The following MUC3A variants were observed in gnomAD, a reference collection of about 807,000 sequenced individuals.
MUC3A encodes mucin-3A.
In MUC3A, 109 loss-of-function variants were observed where a neutral mutation model predicts 109.0. The observed-to-expected ratio is 1.00, with a 90% confidence interval of 0.86 to 1.17. MUC3A has a LOEUF of 1.17. Ranked by LOEUF, MUC3A falls within the 50% of genes most tolerant of loss-of-function variation. The pLI is 0.00. For missense variants in MUC3A, 3,537 were observed against 2,469.4 expected (o/e 1.43, Z -9.16); for synonymous variants, 1,398 against 981.4 (o/e 1.42, Z -7.93).
rs1792462227 is a variant in MUC3A, at chr7:100,964,698, T to C, written c.9237T>C (p.Asn3079=). ...TCTAAGGCTGTGGACCCCTCAGGAA[T>C]GGCAGCATCGTGGTGGACTACCTGG... ...FKGVEILSLR[N]GSIVVDYLVL... is the part of the protein sequence containing the mutation. The change falls in exon 6 of 12, where the codon AAT becomes AAC. Residue 3079 remains asparagine, a synonymous_variant. Transcript: ENST00000379458. 1 of 1,598,132 alleles carries C rather than the reference T, an allele frequency of 6.3e-7. No individual in the cohort carries two copies. The highest frequency in any genetic ancestry group is 8.5e-7 in the Non-Finnish European group (1 of 1,179,544).
In MUC3A at chr7:100,956,882, A is replaced by G; in HGVS notation, c.5103A>G (p.Thr1701=). 1 of 399,562 alleles carries G rather than the reference A, an allele frequency of 2.5e-6. No homozygotes were observed. Among genetic ancestry groups the G allele is most frequent in the Non-Finnish European group, 4.4e-6 (1 of 229,348 alleles). The allele number at this position is 399,562 out of a possible 1,614,324, so 24.8% of individuals were successfully genotyped here. ...HTTAESTPSP[T]TTMSFTTFTK... Reference sequence around the variant, plus strand: ...CAGCTGAATCCACCCCATCACCTACAACCACCATGTCATTCACAACATTTA... The same window carrying G: ...CAGCTGAATCCACCCCATCACCTACGACCACCATGTCATTCACAACATTTA... The change falls in exon 2 of 12, where the codon ACA becomes ACG. Residue 1701 remains threonine, a synonymous_variant. Transcript: ENST00000379458.
Position 100,967,127 on chromosome 7 carries a change from A to C in MUC3A, c.9937A>C (p.Ile3313Leu), listed in dbSNP as rs771618750. 1.3e-6 allele frequency: 2 copies of C among 1,598,552 alleles called. No individual in the cohort carries two copies. The highest frequency in any genetic ancestry group is 1.7e-6 in the Non-Finnish European group (2 of 1,179,824). ...CTCACTGTGACTCTGACAGGTGCAC[A>C]TCAAGAGACCCGAGATGACCTCGTC... is the stretch of plus-strand genomic sequence containing the variant. ...ENVDTTMKVHIKRPEMTSSSV is the reference protein window; with the variant it reads ...ENVDTTMKVHLKRPEMTSSSV Residue 3313 changes from isoleucine to leucine, a missense_variant, in exon 12 of 12, where the codon ATC becomes CTC. By Grantham distance (5) the Ile-to-Leu change is conservative (BLOSUM62 2). Transcript: ENST00000379458.
At chr7:100,963,606 T>G (rs1433866627) in intron 4 of MUC3A, 82 bp from the exon 5 acceptor site, 11 of 1,592,188 alleles carry the variant, frequency 6.9e-6, no homozygotes, top group Non-Finnish European at 9.4e-6. Flanking sequence ...TTGAAGGGTC[T>G]TCCCTGGAGC....
rs867466881 is a variant in MUC3A, at chr7:100,967,444, A to G, written c.*282A>G. 113 of 593,394 alleles carry G rather than the reference A, an allele frequency of 1.9e-4. No individual in the cohort carries two copies. Among genetic ancestry groups the G allele is most frequent in the Non-Finnish European group, 3.0e-4 (100 of 334,586 alleles). 36.8% of individuals were successfully genotyped at this position (593,394 alleles called of 1,614,324 possible). On this transcript the variant is annotated 3_prime_UTR_variant, in exon 12 of 12. Coordinates refer to ENST00000379458, the MANE Select transcript of MUC3A (RefSeq NM_005960.2). The stretch of plus-strand genomic sequence containing the variant: ...TGCAAAACGGGTACAGCATTCCTGT[A>G]TGATAGCTCACGCCGTTGTTGTGAA...
At position 100,959,084 on chromosome 7, in the gene MUC3A, C is replaced by T. The variant is rs1188751784; in HGVS notation, c.7305C>T (p.Thr2435=). 6 of 1,594,632 alleles carry T rather than the reference C, an allele frequency of 3.8e-6. No homozygotes were observed. The highest frequency in any genetic ancestry group is 4.2e-6 in the Non-Finnish European group (5 of 1,177,398). ...CTTCTTCAATCACCACCACTGAGAC[C>T]ACCTCAGAGAGTACTCCCAGCCTCA... The part of the protein sequence containing the change: ...GFTSSITTTE[T]TSESTPSLSS... The change falls in exon 2 of 12, where the codon ACC becomes ACT. Residue 2435 remains threonine (T), a synonymous_variant. Coordinates refer to ENST00000379458, the MANE Select transcript of MUC3A (RefSeq NM_005960.2).
intron 3 of MUC3A, 143 bp from the exon 4 acceptor site, chr7:100,963,008 C>G: frequency 1.1e-6 from 1 of 871,514 alleles, no homozygotes; most frequent in Non-Finnish European, 1.8e-6. Context: ...GGAATTCCTA[C>G]ATCTGTTCCT....
At chr7:100,963,118 A>G in intron 3 of MUC3A, 33 bp from the exon 4 acceptor site, 1 of 1,591,490 alleles carries the variant, frequency 6.3e-7, no homozygotes, top group Non-Finnish European at 8.5e-7. Flanking sequence ...AAGCAGACAG[A>G]GAAGTGACTG....
At chr7:100,962,411 C>T (rs571261447) in intron 3 of MUC3A, among the ~76,000 whole-genome samples, 1 of 152,182 alleles carries the variant, frequency 6.6e-6, no homozygotes, top group African/African-American at 2.4e-5. Context: ...GAATGAGACC[C>T]TATCTCAACA....
Position 100,960,537 on chromosome 7 carries a change from T to C in MUC3A, c.8758T>C (p.Ser2920Pro), listed in dbSNP as rs1439808335. 4 of 1,598,610 alleles carry C rather than the reference T, an allele frequency of 2.5e-6. No individual in the cohort carries two copies. The African/African-American group carries it at 5.3e-5, about 21-fold the overall frequency. Reference sequence around the variant, plus strand: ...CCCCTCCCCACCCACCACTAGGACTTCAGAGACACCAGTGGCCACTACCCA... The same window carrying C: ...CCCCTCCCCACCCACCACTAGGACTCCAGAGACACCAGTGGCCACTACCCA... ...THPSPPTTRT[S>P]ETPVATTQTP... Residue 2920 changes from serine (S) to proline (P), a missense_variant, in exon 2 of 12, where the codon TCA (serine) becomes CCA (proline). Transcript: ENST00000379458.
At position 100,964,501 on chromosome 7, in the gene MUC3A, C is replaced by T. The variant is rs1792454782; in HGVS notation, c.9234-194C>T. On this transcript the variant is annotated intron_variant, in intron 5 of 11. Transcript: ENST00000379458. ...AGGAAGTCAATCATGTCAGTCATTCCTTGTCCTGCCTTCCCAGGCAGACCA... is the reference window on the plus strand; with the variant it reads ...AGGAAGTCAATCATGTCAGTCATTCTTTGTCCTGCCTTCCCAGGCAGACCA... The T allele has an allele frequency of 5.8e-6, 5 of 862,014 alleles. No individual in the cohort carries two copies. In the Admixed American group the frequency reaches 1.3e-4, roughly 22 times the overall value. The allele number at this position is 862,014 out of a possible 1,614,324, so 53.4% of individuals were successfully genotyped here.
At position 100,951,983 on chromosome 7, in the gene MUC3A, T is replaced by C. The variant is rs761572441; in HGVS notation, c.204T>C (p.Pro68=). 2.4e-5 allele frequency: 38 copies of C among 1,598,672 alleles called. No individual in the cohort carries two copies. Among genetic ancestry groups the C allele is most frequent in the Non-Finnish European group, 3.1e-5 (37 of 1,179,816 alleles). ...TCCCCCAGCTCGCCTCTCCTGCTCC[T>C]GGCCACAGGGAAAATGCACCTATGA... ...LGVPQLASPA[P]GHRENAPMTL... Residue 68 remains proline, a synonymous_variant, in exon 2 of 12, where the codon CCT becomes CCC. Coordinates refer to ENST00000379458, the MANE Select transcript of MUC3A (RefSeq NM_005960.2).
In MUC3A at chr7:100,965,282, C is replaced by T; in HGVS notation, c.9383C>T (p.Thr3128Ile). ...QDVNSCQDSQTLCFKPDSIKV... is the reference protein window; with the variant it reads ...QDVNSCQDSQILCFKPDSIKV... ...TCCATCTGTGCCTGTGTTTCCGCAG[C>T]CCTGTGTTTTAAGCCTGACTCCATC... The change falls in exon 7 of 12, where the codon ACC becomes ATC. Residue 3128 changes from threonine (T) to isoleucine (I), a missense_variant and splice_region_variant. Thr to Ile is a moderately conservative substitution (Grantham distance 89). Transcript: ENST00000379458. The T allele has an allele frequency of 6.3e-7, 1 of 1,599,056 alleles. No individual in the cohort carries two copies. The highest frequency in any genetic ancestry group is 8.5e-7 in the Non-Finnish European group (1 of 1,179,664).
chr7:100,966,768 A>G, intron 10 of MUC3A, 25 bp downstream of exon 10: 2 of 1,598,540 alleles, frequency 1.3e-6, no homozygotes, highest in Non-Finnish European at 1.7e-6. Context: ...CTGGGGAAGC[A>G]GGCAGAGGCT....
At position 100,958,208 on chromosome 7, in the gene MUC3A, C is replaced by T; in HGVS notation, c.6429C>T (p.Asn2143=). The change falls in exon 2 of 12, where the codon AAC becomes AAT. Residue 2143 remains asparagine (N), a synonymous_variant. Coordinates refer to ENST00000379458, the MANE Select transcript of MUC3A (RefSeq NM_005960.2). ...TTENATHSTP[N]FTSSITTTET... Reference sequence around the variant, plus strand: ...AGAACGCCACACACAGTACTCCCAACTTCACTTCTTCAATCACCACCACCG... The same window carrying T: ...AGAACGCCACACACAGTACTCCCAATTTCACTTCTTCAATCACCACCACCG... 3.0e-6 allele frequency: 4 copies of T among 1,333,380 alleles called. No homozygotes were observed. Among genetic ancestry groups the T allele is most frequent in the Non-Finnish European group, 4.3e-6 (4 of 940,610 alleles). The allele number at this position is 1,333,380 out of a possible 1,614,324, so 82.6% of individuals were successfully genotyped here. A position where few individuals can be genotyped will look rare whatever the true frequency, so the allele number is the denominator to read the frequency against.
chr7:100,965,816 C>G lies in MUC3A; in HGVS notation c.9561C>G (p.Ile3187Met), dbSNP rs1278822126. Residue 3187 changes from isoleucine to methionine, a missense_variant, in exon 8 of 12, where the codon ATC (isoleucine) becomes ATG (methionine). Transcript: ENST00000379458. ...GCACGTCGGGGGTGGACAACGCCAT[C>G]GACTGTCACCAGGGCCAGTGCGTTC... ...TKCTSGVDNA[I>M]DCHQGQCVLE... The G allele has an allele frequency of 6.3e-7, 1 of 1,597,392 alleles. No individual in the cohort carries two copies. The highest frequency in any genetic ancestry group is 8.5e-7 in the Non-Finnish European group (1 of 1,179,088).
At position 100,963,670 on chromosome 7, in the gene MUC3A, G is replaced by A; in HGVS notation, c.9169-18G>A. The A allele has an allele frequency of 6.3e-7, 1 of 1,598,428 alleles. No individual in the cohort carries two copies. The highest frequency in any genetic ancestry group is 8.5e-7 in the Non-Finnish European group (1 of 1,179,738). The stretch of plus-strand genomic sequence containing the variant: ...TCTGCAGGTTCGGACGTGAGCCCAG[G>A]GATCCTTGGTGTTTCAGATGCAGAA... On this transcript the variant is annotated intron_variant, in intron 4 of 11. Transcript: ENST00000379458.
In MUC3A at chr7:100,949,622, C is replaced by G. The variant is rs1490055300; in HGVS notation, c.-3C>G. 6.4e-7 allele frequency: 1 copy of G among 1,550,658 alleles called. No individual in the cohort carries two copies. The highest frequency in any genetic ancestry group is 2.4e-5 in the East Asian group (1 of 42,460). ...CTGCCCCAGCCCCCTGCCCGCTGGG[C>G]CCATGCAGCTGTTGGGGCTCCTCGG... On this transcript the variant is annotated 5_prime_UTR_variant, in exon 1 of 12. Coordinates refer to ENST00000379458, the MANE Select transcript of MUC3A (RefSeq NM_005960.2).
chr7:100,950,965 G>A (rs1342077909), intron 1 of MUC3A, among the ~76,000 whole-genome samples: 1 of 152,164 alleles, frequency 6.6e-6, no homozygotes, highest in African/African-American at 2.4e-5. Flanking sequence ...TAGTGTGTGA[G>A]CTTAGCCTGT....
rs1274666609 is a variant in MUC3A at position 100,967,501 on chromosome 7, A to G, written c.*339A>G. 1.9e-5 allele frequency: 10 copies of G among 524,868 alleles called. No homozygotes were observed. Among genetic ancestry groups the G allele is most frequent in the African/African-American group, 1.7e-4 (9 of 52,670 alleles). 32.5% of individuals were successfully genotyped at this position (524,868 alleles called of 1,614,324 possible). A position where few individuals can be genotyped will look rare whatever the true frequency, so the allele number is the denominator to read the frequency against. On this transcript the variant is annotated 3_prime_UTR_variant, in exon 12 of 12. Coordinates refer to ENST00000379458, the MANE Select transcript of MUC3A (RefSeq NM_005960.2). ...ATAGACTTGGTCAATTCTCGGTCCT[A>G]CTCTGCCCTCCCGTCTCAGCCCTCG...
Sources: allele counts gnomAD v4.1 joint callset (sites outside exome capture counted in the v4.1 genomes callset), GRCh38; gene constraint gnomAD v4.1.1; transcripts MANE v1.5; gene names NCBI Gene and HGNC (gene_info 2026-07-23, HGNC 2026-07-21).